Variants in PRKG1 observed in about 807,000 individuals in gnomAD.
The protein encoded by PRKG1 is protein kinase cGMP-dependent 1, also known as cGMP-dependent protein kinase 1.
A neutral mutation model predicts 88.1 loss-of-function variants in PRKG1; 35 were observed. The ratio of observed to expected loss-of-function variants is 0.40; its 90% CI spans 0.30 to 0.53. The LOEUF is 0.53. Ranked by LOEUF, PRKG1 falls within the 20% of genes least tolerant of loss-of-function variation. The pLI, the probability that PRKG1 is intolerant of heterozygous loss-of-function variation, is 0.59. For missense variants in PRKG1, 540 were observed against 839.8 expected, an observed-to-expected ratio of 0.64 and a Z score of 4.41; for synonymous variants, 303 against 292.5, an observed-to-expected ratio of 1.04 and a Z score of -0.37.
At chr10:51,392,910 G>A (rs1192263470) in intron 2 of PRKG1, among the ~76,000 whole-genome samples, 9 of 64,814 alleles carry the variant, frequency 1.4e-4, no homozygotes, top group African/African-American at 4.2e-4. Flanking sequence ...GTGGGGGGCT[G>A]ACCACCCCCA....
At chr10:51,165,844 AT>A (rs909045085) in intron 2 of PRKG1, among the ~76,000 whole-genome samples, 2 of 152,222 alleles carry the variant, frequency 1.3e-5, no homozygotes, top group Non-Finnish European at 2.9e-5. Context: ...TCCTTTTAAA[AT>A]TGAGCAGGCT....
chr10:51,754,977 A>G (rs1837819703), intron 3 of PRKG1, among the ~76,000 whole-genome samples: 1 of 151,080 alleles, frequency 6.6e-6, no homozygotes. Flanking sequence ...TAACCTTCTC[A>G]ATTATGCTTT....
Position 51,394,326 on chromosome 10 carries a change from A to C in PRKG1, c.479-73397A>C, listed in dbSNP as rs567945009. 3.3e-5 allele frequency among the ~76,000 whole-genome samples: 5 copies of C among 152,342 alleles called. No homozygotes were observed. The South Asian group carries it at 8.3e-4, about 25-fold the overall frequency. ...TGAGGGATCTGACAGTAGAACCTAG[A>C]CATGGCCTCTAGTTGTGATGTGGAT... On this transcript the variant is annotated intron_variant, in intron 2 of 17. Transcript: ENST00000373980.
In PRKG1 at chr10:51,201,316, G is replaced by A. The variant is rs185159242; in HGVS notation, c.478+47986G>A. On this transcript the variant is annotated intron_variant, in intron 2 of 17. Coordinates refer to ENST00000373980, the MANE Select transcript of PRKG1 (RefSeq NM_006258.4). ...CAAATACATAAGTTAGCCGGGCGTG[G>A]TGGCAGTTGCCTGTAATCCCAGCTA... Among the ~76,000 whole-genome samples the A allele has an allele frequency of 7.2e-4, 110 of 152,220 alleles. 1 individual carries two copies. Among genetic ancestry groups the A allele is most frequent in the African/African-American group, 2.6e-3 (108 of 41,548 alleles).
intron 2 of PRKG1, among the ~76,000 whole-genome samples, chr10:51,317,013 G>A (rs1841340628): frequency 6.6e-6 from 1 of 152,176 alleles, no homozygotes; most frequent in African/African-American, 2.4e-5. Context: ...CAAGTAGCTG[G>A]TGATCTCCAT....
chr10:51,456,336 A>G (rs1164272528), intron 2 of PRKG1, among the ~76,000 whole-genome samples: 5 of 152,066 alleles, frequency 3.3e-5, no homozygotes, highest in African/African-American at 1.2e-4. Context: ...ACACAGCCAA[A>G]CCATATCAAC....
chr10:52,049,553 C>T (rs536620920), intron 5 of PRKG1, among the ~76,000 whole-genome samples: 1 of 152,064 alleles, frequency 6.6e-6, no homozygotes, highest in African/African-American at 2.4e-5. Flanking sequence ...TTTGAAAGGT[C>T]ACTTTGATGG....
intron 1 of PRKG1, among the ~76,000 whole-genome samples, chr10:51,051,312 T>C (rs1195239543): frequency 1.3e-5 from 2 of 152,164 alleles, no homozygotes; most frequent in African/African-American, 4.8e-5. Flanking sequence ...TTTAAGCCTT[T>C]AATCCATTTT....
intron 3 of PRKG1, among the ~76,000 whole-genome samples, chr10:51,630,642 A>C (rs545319324): frequency 6.6e-6 from 1 of 152,180 alleles, no homozygotes; most frequent in Non-Finnish European, 1.5e-5. Context: ...AGGCTCATCA[A>C]CCTGGATTGC....
intron 7 of PRKG1, among the ~76,000 whole-genome samples, chr10:52,081,297 C>A (rs1163471787): frequency 1.3e-5 from 2 of 152,140 alleles, no homozygotes; most frequent in Non-Finnish European, 2.9e-5. Flanking sequence ...ATTATCTGAG[C>A]TAGCTACTTA....
At chr10:52,006,324 G>A (rs554781416) in intron 5 of PRKG1, among the ~76,000 whole-genome samples, 58 of 152,186 alleles carry the variant, frequency 3.8e-4, no homozygotes, top group African/African-American at 1.4e-3. Context: ...AATATGGATG[G>A]GAATGAAGAT....
At chr10:52,203,767 G>A (rs376508254) in intron 9 of PRKG1, among the ~76,000 whole-genome samples, 3 of 152,156 alleles carry the variant, frequency 2.0e-5, no homozygotes, top group African/African-American at 7.2e-5. Context: ...ATTATATAAT[G>A]CCCTTCTTTG....
chr10:51,179,555 C>T (rs1247203803), intron 2 of PRKG1, among the ~76,000 whole-genome samples: 1 of 152,194 alleles, frequency 6.6e-6, no homozygotes, highest in Admixed American at 6.5e-5. Context: ...CCCGCAGAAC[C>T]ACTGGAAGGC....
At chr10:51,981,246 T>G (rs1430664635) in intron 5 of PRKG1, among the ~76,000 whole-genome samples, 2 of 152,174 alleles carry the variant, frequency 1.3e-5, no homozygotes, top group Non-Finnish European at 2.9e-5. Context: ...ATATTAAGCT[T>G]AATTTGGCCA....
chr10:51,785,485 A>G (rs1024199296), intron 3 of PRKG1, among the ~76,000 whole-genome samples: 1 of 152,142 alleles, frequency 6.6e-6, no homozygotes, highest in Non-Finnish European at 1.5e-5. Context: ...CCTAAAACAT[A>G]TTCCTGGCTT....
chr10:51,303,223 T>C (rs1210025189), intron 2 of PRKG1, among the ~76,000 whole-genome samples: 2 of 152,202 alleles, frequency 1.3e-5, no homozygotes, highest in Non-Finnish European at 1.5e-5. Context: ...CATCCTCCTC[T>C]ATTCTTTTCT....
chr10:51,036,409 G>T (rs1292401553), intron 1 of PRKG1, among the ~76,000 whole-genome samples: 1 of 152,092 alleles, frequency 6.6e-6, no homozygotes, highest in Non-Finnish European at 1.5e-5. Flanking sequence ...TTTGGAGGTA[G>T]GTGTGCCTGG....
intron 5 of PRKG1, among the ~76,000 whole-genome samples, chr10:52,032,411 G>T (rs1395527041): frequency 6.6e-6 from 1 of 152,052 alleles, no homozygotes. Context: ...GTAAAATAGA[G>T]ATCATAATAA....
chr10:51,571,319 C>T (rs10998237), intron 3 of PRKG1, among the ~76,000 whole-genome samples: 32,725 of 151,700 alleles, frequency 0.22, 5,153 homozygotes, highest in African/African-American at 0.45. Context: ...CTATGTTTAA[C>T]CTGAAAGGTG....
Sources: gnomAD v4.1 joint callset for allele counts (sites outside exome capture counted in the v4.1 genomes callset) on GRCh38, gnomAD v4.1.1 for gene constraint, MANE v1.5 for transcripts, NCBI Gene and HGNC (gene_info 2026-07-23, HGNC 2026-07-21) for gene names.